CRIM1: variants seen among roughly 807,000 people sequenced by gnomAD.
CRIM1 encodes the protein cysteine rich transmembrane BMP regulator 1, also known as cysteine-rich motor neuron 1 protein.
In CRIM1, 32 loss-of-function variants were observed where a neutral mutation model predicts 116.4. The ratio of observed to expected loss-of-function variants is 0.27; its 90% CI spans 0.21 to 0.37. The LOEUF (loss-of-function observed/expected upper bound fraction) is 0.37, where lower values mean the gene tolerates loss of function less well. Ranked by LOEUF, CRIM1 falls within the 10% of genes least tolerant of loss-of-function variation. The pLI, the probability that CRIM1 is intolerant of heterozygous loss-of-function variation, is 1.00. For missense variants in CRIM1, 1,331 were observed against 1,354.8 expected (o/e 0.98, Z 0.28); for synonymous variants, 590 against 509.2 (o/e 1.16, Z -2.13).
chr2:36,373,587 G>A (rs539303543), intron 1 of CRIM1, among the ~76,000 whole-genome samples: 4 of 152,308 alleles, frequency 2.6e-5, no homozygotes, highest in South Asian at 2.1e-4. Context: ...AACCGATGGG[G>A]CATTTTGAGA....
rs1463416579 is a variant in CRIM1, at chr2:36,441,441, T to G, written c.689T>G (p.Leu230Arg). The G allele has an allele frequency of 1.2e-6, 2 of 1,613,852 alleles. No individual in the cohort carries two copies. The change falls in exon 3 of 17, where the codon CTA (leucine) becomes CGA (arginine). Residue 230 changes from leucine (L) to arginine (R), a missense_variant. Around this residue, in one of 3 missense-constraint regions of CRIM1, gnomAD observed 690 missense variants for 676.0 expected, o/e 1.02. Transcript: ENST00000280527. The stretch of plus-strand genomic sequence containing the variant: ...TGCCAGCCGGGAAACCTGAACATAC[T>G]AGTGTCAAAAGCCTCAGGGAAGCCG... The part of the protein sequence containing the change: ...KVCQPGNLNI[L>R]VSKASGKPGE...
intron 4 of CRIM1, among the ~76,000 whole-genome samples, chr2:36,447,905 T>G (rs1676374897): frequency 1.3e-5 from 2 of 152,150 alleles, no homozygotes; most frequent in Non-Finnish European, 2.9e-5. Flanking sequence ...GGTCTTCAGG[T>G]GAAATTCGGG....
intron 1 of CRIM1, among the ~76,000 whole-genome samples, chr2:36,362,547 C>T (rs376281828): frequency 1.3e-4 from 20 of 152,268 alleles, no homozygotes; most frequent in African/African-American, 4.6e-4. Flanking sequence ...GGCGGATAAG[C>T]GTGGGCAGTA....
At chr2:36,363,970 C>G (rs1669421825) in intron 1 of CRIM1, among the ~76,000 whole-genome samples, 1 of 152,216 alleles carries the variant, frequency 6.6e-6, no homozygotes. Flanking sequence ...TGCCATTCTT[C>G]TGCCTGAAAA....
chr2:36,432,054 G>A (rs144071154), intron 2 of CRIM1, among the ~76,000 whole-genome samples: 1 of 152,152 alleles, frequency 6.6e-6, no homozygotes, highest in Non-Finnish European at 1.5e-5. Context: ...ACATTTTCAA[G>A]CTGTTATAAA....
At chr2:36,508,346 T>C (rs1681575540) in intron 8 of CRIM1, among the ~76,000 whole-genome samples, 2 of 152,230 alleles carry the variant, frequency 1.3e-5, no homozygotes, top group African/African-American at 4.8e-5. Flanking sequence ...GATGCTATCT[T>C]GAAATATTTA....
chr2:36,536,879 G>A (rs1337089492), intron 13 of CRIM1, among the ~76,000 whole-genome samples: 3 of 152,024 alleles, frequency 2.0e-5, no homozygotes, highest in Admixed American at 2.0e-4. Context: ...AATCTACGCA[G>A]CATCCCTGGA....
chr2:36,545,733 T>G (rs1285844904), intron 15 of CRIM1, among the ~76,000 whole-genome samples: 1 of 152,174 alleles, frequency 6.6e-6, no homozygotes, highest in Non-Finnish European at 1.5e-5. Context: ...CAGCTTCATT[T>G]TTCTTTCACC....
chr2:36,516,256 C>T (rs1435946546), intron 11 of CRIM1, among the ~76,000 whole-genome samples: 1 of 152,144 alleles, frequency 6.6e-6, no homozygotes, highest in African/African-American at 2.4e-5. Flanking sequence ...AGCATCTCTG[C>T]ATATATGGGC....
At chr2:36,526,521 CTTTATT>C (rs1365132470) in intron 13 of CRIM1, among the ~76,000 whole-genome samples, 1 of 152,138 alleles carries the variant, frequency 6.6e-6, no homozygotes, top group African/African-American at 2.4e-5. Context: ...TCAGTGAAGT[CTTTATT>C]TCATGACTTC....
chr2:36,533,899 G>T (rs976301968), intron 13 of CRIM1, among the ~76,000 whole-genome samples: 1 of 151,372 alleles, frequency 6.6e-6, no homozygotes, highest in African/African-American at 2.4e-5. Context: ...CATTATTCTC[G>T]TGTGTGGAGA....
At position 36,496,165 on chromosome 2, in the gene CRIM1, C is replaced by A. The variant is rs551902466; in HGVS notation, c.1373-3054C>A. 5.3e-5 allele frequency among the ~76,000 whole-genome samples: 8 copies of A among 152,194 alleles called. No individual in the cohort carries two copies. The South Asian group carries it at 1.7e-3, about 32-fold the overall frequency. ...CCGGAAAAAAACTTTAAAATTTGTT[C>A]CAGTTTGTGTCTGAGTAGGAAAATG... On this transcript the variant is annotated intron_variant, in intron 7 of 16. Coordinates refer to ENST00000280527, the MANE Select transcript of CRIM1 (RefSeq NM_016441.3).
At chr2:36,396,140 G>C (rs1477934045) in intron 1 of CRIM1, among the ~76,000 whole-genome samples, 8 of 152,028 alleles carry the variant, frequency 5.3e-5, no homozygotes, top group Non-Finnish European at 1.5e-5. Context: ...GAACTCCTGG[G>C]CTCAAGTAAT....
intron 7 of CRIM1, 114 bp downstream of exon 7, chr2:36,479,808 G>A: frequency 3.0e-6 from 3 of 1,011,634 alleles, no homozygotes; most frequent in Non-Finnish European, 4.5e-6. Context: ...GCTTCACGCT[G>A]TTACCAGTTG....
intron 1 of CRIM1, among the ~76,000 whole-genome samples, chr2:36,391,797 CAA>C (rs5830425): frequency 0.25 from 30,718 of 120,696 alleles, 3,455 homozygotes; most frequent in South Asian, 0.35. Context: ...ACTAATGGTG[CAA>C]AAAAAAAAAA....
intron 4 of CRIM1, among the ~76,000 whole-genome samples, chr2:36,460,926 T>A (rs1428591250): frequency 6.6e-6 from 1 of 152,134 alleles, no homozygotes; most frequent in Non-Finnish European, 1.5e-5. Flanking sequence ...GGATGAGGAA[T>A]GTGCAGAGGC....
chr2:36,542,385 G>C (rs1667007221), intron 14 of CRIM1, among the ~76,000 whole-genome samples: 1 of 152,196 alleles, frequency 6.6e-6, no homozygotes, highest in Non-Finnish European at 1.5e-5. Context: ...TTTCCAAGTA[G>C]AGCCCCTGTG....
chr2:36,516,439 C>A (rs909404599), intron 11 of CRIM1, among the ~76,000 whole-genome samples: 2 of 152,198 alleles, frequency 1.3e-5, no homozygotes, highest in African/African-American at 4.8e-5. Context: ...AGCAAAACTT[C>A]AGGGCAACTC....
chr2:36,472,789 A>G (rs1056611614), intron 5 of CRIM1, among the ~76,000 whole-genome samples: 9 of 152,226 alleles, frequency 5.9e-5, no homozygotes, highest in Non-Finnish European at 1.3e-4. Flanking sequence ...CTGCAAATTT[A>G]ATGTATAAAA....
Sources: gnomAD v4.1 joint callset for allele counts (sites outside exome capture counted in the v4.1 genomes callset) on GRCh38, gnomAD v4.1.1 for gene constraint, gnomAD v4.1.1 regional missense constraint, MANE v1.5 for transcripts, NCBI Gene and HGNC (gene_info 2026-07-23, HGNC 2026-07-21) for gene names.